PTPN13: variants seen among roughly 807,000 people sequenced by gnomAD.
PTPN13 encodes the protein tyrosine-protein phosphatase non-receptor type 13.
In PTPN13, 191 loss-of-function variants were observed where a neutral mutation model predicts 284.0. The observed-to-expected ratio is 0.67, with a 90% CI of 0.60 to 0.76. The LOEUF is 0.76. Among genes scored for constraint, PTPN13 ranks in the 30% least tolerant of loss-of-function variants. PTPN13 has a pLI of 0.00. For missense variants in PTPN13, 2,797 were observed against 2,939.9 expected, an observed-to-expected ratio of 0.95 and a Z score of 1.12; for synonymous variants, 986 against 1,022.3, an observed-to-expected ratio of 0.96 and a Z score of 0.68.
At chr4:86,660,570 G>A (rs953345441) in intron 2 of PTPN13, among the ~76,000 whole-genome samples, 1 of 152,076 alleles carries the variant, frequency 6.6e-6, no homozygotes, top group Non-Finnish European at 1.5e-5. Flanking sequence ...TTAAGAGGGT[G>A]TATTAGTTGT....
At chr4:86,795,369 C>T (rs572221734) in intron 40 of PTPN13, among the ~76,000 whole-genome samples, 24 of 152,156 alleles carry the variant, frequency 1.6e-4, no homozygotes, top group Admixed American at 3.3e-4. Flanking sequence ...GAATGGCAAT[C>T]GTTAAAAAGT....
At chr4:86,792,700 A>G (rs1742828146) in intron 40 of PTPN13, among the ~76,000 whole-genome samples, 1 of 152,218 alleles carries the variant, frequency 6.6e-6, no homozygotes, top group African/African-American at 2.4e-5. Context: ...GTGGAGGCCA[A>G]TATTCAACAT....
chr4:86,730,711 C>T (rs1285431952), intron 10 of PTPN13, among the ~76,000 whole-genome samples: 2 of 149,240 alleles, frequency 1.3e-5, no homozygotes, highest in Non-Finnish European at 3.0e-5. Flanking sequence ...CAGTTTGTCT[C>T]AGCTTCCCTT....
intron 32 of PTPN13, 66 bp from the exon 33 acceptor site, chr4:86,774,307 T>G (rs1238474337): frequency 9.1e-6 from 13 of 1,426,552 alleles, no homozygotes; most frequent in Non-Finnish European, 1.1e-5. Context: ...GAAATGATAG[T>G]CATCTTTCTG....
intron 2 of PTPN13, among the ~76,000 whole-genome samples, chr4:86,662,511 T>C (rs544778428): frequency 6.6e-6 from 1 of 152,290 alleles, no homozygotes; most frequent in Admixed American, 6.5e-5. Flanking sequence ...TTTATAATTT[T>C]AGTAGAGATG....
At chr4:86,675,995 T>C (rs1728232819) in intron 3 of PTPN13, among the ~76,000 whole-genome samples, 1 of 152,220 alleles carries the variant, frequency 6.6e-6, no homozygotes, top group Non-Finnish European at 1.5e-5. Flanking sequence ...CTCTCTGTGC[T>C]TTTTGAAAAT....
intron 6 of PTPN13, among the ~76,000 whole-genome samples, chr4:86,700,712 T>G (rs1731064743): frequency 2.0e-5 from 3 of 152,194 alleles, no homozygotes. Context: ...AATAAAATCT[T>G]GATACTTAAG....
intron 2 of PTPN13, among the ~76,000 whole-genome samples, chr4:86,664,289 G>A (rs1280732123): frequency 1.3e-5 from 2 of 152,126 alleles, no homozygotes; most frequent in Non-Finnish European, 1.5e-5. Flanking sequence ...GTAACTAAAA[G>A]AGATTAGAGA....
intron 44 of PTPN13, 83 bp from the exon 45 acceptor site, chr4:86,807,474 CATG>C (rs1744775780): frequency 9.9e-7 from 1 of 1,005,374 alleles, no homozygotes; most frequent in African/African-American, 1.6e-5. Context: ...GAGAATTTCT[CATG>C]ATCTTTGACT....
chr4:86,687,133 A>T (rs1241465899), intron 4 of PTPN13, among the ~76,000 whole-genome samples: 2 of 152,184 alleles, frequency 1.3e-5, no homozygotes, highest in Non-Finnish European at 2.9e-5. Context: ...CTTGTCTTTG[A>T]TGATTCATTC....
intron 3 of PTPN13, among the ~76,000 whole-genome samples, chr4:86,676,893 G>T (rs1274600944): frequency 6.6e-6 from 1 of 152,128 alleles, no homozygotes; most frequent in African/African-American, 2.4e-5. Context: ...TGTTTAATGA[G>T]TATAGAGTTT....
rs138853135 is a variant in PTPN13, at chr4:86,609,548, G to C, written c.-6+14759G>C. On this transcript the variant is annotated intron_variant, in intron 1 of 47. Coordinates refer to ENST00000411767, the MANE Select transcript of PTPN13 (RefSeq NM_080683.3). ...AGTGTGAAACTTTGTATGTACCCTC[G>C]TAGTATGCTAAAAGCTCTTGGCTTT... Among the ~76,000 whole-genome samples the C allele has an allele frequency of 1.0e-2, 1,520 of 152,136 alleles. 16 individuals are homozygous for C. The highest frequency in any genetic ancestry group is 0.072 in the Middle Eastern group (21 of 292).
chr4:86,800,018 A>G (rs551343132), intron 42 of PTPN13, among the ~76,000 whole-genome samples: 2 of 151,338 alleles, frequency 1.3e-5, no homozygotes, highest in East Asian at 3.9e-4. Flanking sequence ...TTCTGTTTTT[A>G]GTAGAGATGG....
At chr4:86,706,604 A>G (rs1731796940) in intron 7 of PTPN13, among the ~76,000 whole-genome samples, 1 of 152,206 alleles carries the variant, frequency 6.6e-6, no homozygotes, top group Non-Finnish European at 1.5e-5. Context: ...CTGACCAGAT[A>G]GGCCATAAAT....
At chr4:86,791,910 A>G (rs1742722801) in intron 40 of PTPN13, among the ~76,000 whole-genome samples, 1 of 152,228 alleles carries the variant, frequency 6.6e-6, no homozygotes, top group African/African-American at 2.4e-5. Context: ...AAACCAGAGC[A>G]GAAAAGCAGA....
At chr4:86,655,834 T>C (rs1725733356) in intron 2 of PTPN13, among the ~76,000 whole-genome samples, 1 of 152,222 alleles carries the variant, frequency 6.6e-6, no homozygotes, top group Non-Finnish European at 1.5e-5. Flanking sequence ...TCCTGCAGAG[T>C]GTTTTCCAAC....
At chr4:86,604,476 G>A (rs1019801070) in intron 1 of PTPN13, among the ~76,000 whole-genome samples, 11 of 151,818 alleles carry the variant, frequency 7.2e-5, no homozygotes, top group African/African-American at 2.7e-4. Context: ...AGTTTACATT[G>A]GTTTGATTAG....
At position 86,747,533 on chromosome 4, in the gene PTPN13, TAGCAGCAGCAGCAGCGGCAGCAGC is replaced by T. The variant is rs1554332560; in HGVS notation, c.2650+2421_2650+2444del. On this transcript the variant is annotated intron_variant, in intron 17 of 47. Coordinates refer to ENST00000411767, the MANE Select transcript of PTPN13 (RefSeq NM_080683.3). Reference sequence around the variant, plus strand: ...CTATACTATGTAATAGCGGTAATAGTAGCAGCAGCAGCAGCGGCAGCAGCAGCAGCAGCAGCAGCAGCAGCAGCA... The same window carrying T: ...CTATACTATGTAATAGCGGTAATAGTAGCAGCAGCAGCAGCAGCAGCAGCA... 7.2e-3 allele frequency among the ~76,000 whole-genome samples: 1,095 copies of T among 151,650 alleles called. 11 individuals are homozygous for T. The highest frequency in any genetic ancestry group is 0.022 in the African/African-American group (912 of 41,068).
At chr4:86,729,098 T>G (rs527825964) in intron 10 of PTPN13, among the ~76,000 whole-genome samples, 2 of 149,410 alleles carry the variant, frequency 1.3e-5, no homozygotes, top group Non-Finnish European at 3.0e-5. Context: ...CCTTCACTTA[T>G]GAAGCTTAGT....
Sources: allele counts gnomAD v4.1 joint callset (sites outside exome capture counted in the v4.1 genomes callset), GRCh38; gene constraint gnomAD v4.1.1; transcripts MANE v1.5; gene names NCBI Gene and HGNC (gene_info 2026-07-23, HGNC 2026-07-21).